GABRA2: variants seen among roughly 807,000 people sequenced by gnomAD.
GABRA2 encodes the protein gamma-aminobutyric acid type A receptor subunit alpha2.
Under a neutral mutation model 48.7 loss-of-function variants are expected in GABRA2, and 16 were observed. The observed-to-expected ratio is 0.33, with a 90% CI of 0.22 to 0.50. GABRA2 has a LOEUF of 0.50. Among genes scored for constraint, GABRA2 ranks in the 20% least tolerant of loss-of-function variants. GABRA2 has a pLI of 0.98. For missense variants in GABRA2, 275 were observed against 535.6 expected (o/e 0.51, Z 4.80); for synonymous variants, 185 against 184.5 (o/e 1.00, Z -0.02).
chr4:46,291,012 T>C (rs774184273), intron 8 of GABRA2, among the ~76,000 whole-genome samples: 12 of 152,214 alleles, frequency 7.9e-5, no homozygotes, highest in Admixed American at 1.3e-4. Flanking sequence ...GAATTTTGCA[T>C]CTATATTCAT....
chr4:46,311,389 C>T (rs1198084365), intron 5 of GABRA2, among the ~76,000 whole-genome samples: 4 of 152,098 alleles, frequency 2.6e-5, no homozygotes, highest in Non-Finnish European at 5.9e-5. Context: ...GACAATACAT[C>T]AAATAACTGG....
intron 8 of GABRA2, among the ~76,000 whole-genome samples, chr4:46,293,365 G>A (rs1305376873): frequency 2.0e-5 from 3 of 152,082 alleles, no homozygotes; most frequent in African/African-American, 4.8e-5. Context: ...TCTTCCCCAA[G>A]GAGACCTTTT....
chr4:46,264,349 T>C (rs145433821), intron 8 of GABRA2, among the ~76,000 whole-genome samples: 502 of 152,228 alleles, frequency 3.3e-3, no homozygotes, highest in Non-Finnish European at 5.4e-3. Context: ...GAACCTGTAG[T>C]ATAACGTTGA....
At chr4:46,251,255 C>T (rs1366371742) in intron 9 of GABRA2, among the ~76,000 whole-genome samples, 5 of 151,612 alleles carry the variant, frequency 3.3e-5, no homozygotes, top group South Asian at 2.1e-4. Flanking sequence ...ACTTTGTGTC[C>T]GTCTAGCTTG....
intron 4 of GABRA2, among the ~76,000 whole-genome samples, chr4:46,330,694 G>T (rs1731207530): frequency 6.6e-6 from 1 of 150,946 alleles, no homozygotes; most frequent in South Asian, 2.1e-4. Context: ...TTTACAACAT[G>T]AAAAAACTAC....
chr4:46,373,158 G>A (rs17459386), intron 3 of GABRA2, among the ~76,000 whole-genome samples: 3,024 of 152,240 alleles, frequency 0.02, 40 homozygotes, highest in Non-Finnish European at 0.03. Context: ...AATGGCAAAC[G>A]CGGTGAACAT....
At position 46,326,498 on chromosome 4, in the gene GABRA2, CT is replaced by C. The variant is rs397938834; in HGVS notation, c.255+6116del. On this transcript the variant is annotated intron_variant, in intron 4 of 9. Transcript: ENST00000381620. The stretch of plus-strand genomic sequence containing the variant: ...TAAGGAATAAGACAGTGGTCTCTGC[CT>C]TTTTTTTTTTTTTTTGGATCAAAGC... 6.5e-3 allele frequency among the ~76,000 whole-genome samples: 892 copies of C among 136,842 alleles called. 2 individuals are homozygous for C. The highest frequency in any genetic ancestry group is 0.026 in the East Asian group (120 of 4,680). The allele number at this position is 136,842 out of a possible 152,430, so 89.8% of individuals were successfully genotyped here. A position where few individuals can be genotyped will look rare whatever the true frequency, so the allele number is the denominator to read the frequency against.
intron 8 of GABRA2, among the ~76,000 whole-genome samples, chr4:46,298,808 A>C (rs918928602): frequency 3.9e-5 from 6 of 151,914 alleles, no homozygotes; most frequent in African/African-American, 1.2e-4. Context: ...TGAAGATATT[A>C]GTGTATTAAT....
intron 3 of GABRA2, among the ~76,000 whole-genome samples, chr4:46,353,927 G>A (rs1333376411): frequency 6.6e-6 from 1 of 152,008 alleles, no homozygotes; most frequent in African/African-American, 2.4e-5. Flanking sequence ...TAAATTCACA[G>A]GGGCAGGAAT....
intron 3 of GABRA2, among the ~76,000 whole-genome samples, chr4:46,340,287 T>C (rs140516708): frequency 2.0e-5 from 3 of 152,054 alleles, no homozygotes; most frequent in African/African-American, 7.2e-5. Flanking sequence ...TGCTTTTTGG[T>C]ATCATCACAA....
Position 46,244,524 on chromosome 4 carries a change from C to T in GABRA2, c.*5784G>A, listed in dbSNP as rs74454258. ...CAATTGCAATCCCACCGGTGGCATC[C>T]CTTGGGATCAATTCAGGCGTCATTC... is the stretch of plus-strand genomic sequence containing the variant. On this transcript the variant is annotated 3_prime_UTR_variant, in exon 10 of 10. Coordinates refer to ENST00000381620, the MANE Select transcript of GABRA2 (RefSeq NM_000807.4). Among the ~76,000 whole-genome samples the T allele has an allele frequency of 0.015, 2,320 of 151,512 alleles. 40 individuals carry two copies. Among genetic ancestry groups the T allele is most frequent in the Middle Eastern group, 0.027 (8 of 294 alleles).
In GABRA2 at chr4:46,303,365, T is replaced by C. The variant is rs1469705512; in HGVS notation, c.856+95A>G. 11 of 1,271,558 alleles carry C rather than the reference T, an allele frequency of 8.7e-6. No individual in the cohort carries two copies. In the East Asian group the frequency reaches 2.6e-4, roughly 30 times the overall value. 78.8% of individuals were successfully genotyped at this position (1,271,558 alleles called of 1,614,324 possible). ...AAACAATACTCCCCGCCCCACCTAC[T>C]ACAAATAATTAGTTTGAGGATCAAG... On this transcript the variant is annotated intron_variant, in intron 8 of 9. Coordinates refer to ENST00000381620, the MANE Select transcript of GABRA2 (RefSeq NM_000807.4).
chr4:46,278,138 G>T (rs565724820), intron 8 of GABRA2, among the ~76,000 whole-genome samples: 1 of 152,110 alleles, frequency 6.6e-6, no homozygotes, highest in Non-Finnish European at 1.5e-5. Flanking sequence ...TTTAATTCAA[G>T]AAAAACATAC....
rs138988525 is a variant in GABRA2 at position 46,323,159 on chromosome 4, C to T, written c.255+9456G>A. ...CAGAAAGCATCATGTTTTAAAGTAT[C>T]ATTTGGGCATATCGCTATAACTTTT... On this transcript the variant is annotated intron_variant, in intron 4 of 9. Transcript: ENST00000381620. Among the ~76,000 whole-genome samples, 16 of 151,966 alleles carry T rather than the reference C, an allele frequency of 1.1e-4. No homozygotes were observed. In the East Asian group the frequency reaches 2.9e-3, roughly 28 times the overall value.
intron 4 of GABRA2, among the ~76,000 whole-genome samples, chr4:46,327,847 C>G (rs1730651471): frequency 6.6e-6 from 1 of 152,000 alleles, no homozygotes. Flanking sequence ...TCAGATATTT[C>G]AAGATTACTT....
intron 8 of GABRA2, among the ~76,000 whole-genome samples, chr4:46,269,241 A>G (rs571613084): frequency 3.9e-5 from 6 of 151,990 alleles, no homozygotes; most frequent in Non-Finnish European, 8.8e-5. Flanking sequence ...CAGATATATT[A>G]ATTAGCTGAC....
chr4:46,271,565 C>A (rs532050666), intron 8 of GABRA2, among the ~76,000 whole-genome samples: 42 of 152,050 alleles, frequency 2.8e-4, no homozygotes, highest in African/African-American at 9.9e-4. Context: ...ACTGGAATTT[C>A]TCTGTGTTAG....
intron 3 of GABRA2, among the ~76,000 whole-genome samples, chr4:46,347,830 T>C (rs1734401101): frequency 6.6e-6 from 1 of 151,810 alleles, no homozygotes. Flanking sequence ...GGAGAAAATA[T>C]TTACAAATCA....
chr4:46,333,060 T>C (rs1323013901), intron 3 of GABRA2, among the ~76,000 whole-genome samples: 2 of 152,116 alleles, frequency 1.3e-5, no homozygotes, highest in African/African-American at 2.4e-5. Context: ...CTACATTCGA[T>C]GTTCAACTAA....
Sources: gnomAD v4.1 joint callset for allele counts (sites outside exome capture counted in the v4.1 genomes callset) on GRCh38, gnomAD v4.1.1 for gene constraint, MANE v1.5 for transcripts, NCBI Gene and HGNC (gene_info 2026-07-23, HGNC 2026-07-21) for gene names.